The following PCDHGA5 variants were observed in gnomAD, a reference collection of about 807,000 sequenced individuals.
PCDHGA5 encodes protocadherin gamma subfamily A, 5, also known as protocadherin gamma-A5.
A neutral mutation model predicts 56.7 loss-of-function variants in PCDHGA5; 36 were observed. The observed-to-expected ratio is 0.64, with a 90% CI of 0.49 to 0.84. The LOEUF is 0.84. Ranked by LOEUF, PCDHGA5 falls within the 40% of genes least tolerant of loss-of-function variation. The pLI is 0.00. For missense variants in PCDHGA5, 1,305 were observed against 1,201.5 expected (o/e 1.09, Z -1.27); for synonymous variants, 563 against 520.2 (o/e 1.08, Z -1.12).
Position 141,364,321 on chromosome 5 carries a change from A to G in PCDHGA5, c.-10A>G, listed in dbSNP as rs762290044. The G allele has an allele frequency of 1.4e-5, 21 of 1,526,304 alleles. No individual in the cohort carries two copies. Among genetic ancestry groups the G allele is most frequent in the Middle Eastern group, 1.8e-4 (1 of 5,680 alleles). The allele number at this position is 1,526,304 out of a possible 1,614,324, so 94.5% of individuals were successfully genotyped here. A position where few individuals can be genotyped will look rare whatever the true frequency, so the allele number is the denominator to read the frequency against. ...CCAGAACTAAGAGAAAATTGGGCAG[A>G]GAGAAGGCAATGGCGAGTCCACCTA... On this transcript the variant is annotated 5_prime_UTR_variant, in exon 1 of 4. Coordinates refer to ENST00000518069, the MANE Select transcript of PCDHGA5 (RefSeq NM_018918.3).
chr5:141,372,118 T>C (rs937548053), intron 1 of PCDHGA5: 3 of 1,613,628 alleles, frequency 1.9e-6, no homozygotes, highest in Non-Finnish European at 2.5e-6. Context: ...TCTGCGCTCT[T>C]CGATATGGTG....
chr5:141,409,736 G>C (rs1053484390), intron 1 of PCDHGA5: 9 of 1,612,992 alleles, frequency 5.6e-6, no homozygotes, highest in South Asian at 2.2e-5. Context: ...CGCGCAGAGC[G>C]GGGTGGTGTT....
intron 1 of PCDHGA5, chr5:141,382,996 T>C (rs1296495835): frequency 6.2e-7 from 1 of 1,613,724 alleles, no homozygotes; most frequent in East Asian, 2.2e-5. Context: ...ACGTATTCTC[T>C]ACTCCGTGTC....
intron 1 of PCDHGA5, chr5:141,375,695 G>A (rs540188136): frequency 3.1e-6 from 5 of 1,614,132 alleles, no homozygotes; most frequent in Middle Eastern, 1.6e-4. Flanking sequence ...CAGCGACAGC[G>A]GGGACCCGCC....
At chr5:141,415,508 A>G in intron 1 of PCDHGA5, 2 of 1,614,168 alleles carry the variant, frequency 1.2e-6, no homozygotes, top group Non-Finnish European at 1.7e-6. Flanking sequence ...CCCCAGCCCA[A>G]TTATGCGGAC....
At chr5:141,494,355 G>T (rs910437011) in intron 1 of PCDHGA5, among the ~76,000 whole-genome samples, 4 of 152,234 alleles carry the variant, frequency 2.6e-5, no homozygotes, top group African/African-American at 9.6e-5. Flanking sequence ...CCATCTTGCT[G>T]CAGAGGATGC....
intron 1 of PCDHGA5, among the ~76,000 whole-genome samples, chr5:141,461,733 C>G (rs930217307): frequency 2.0e-5 from 3 of 152,168 alleles, no homozygotes; most frequent in African/African-American, 2.4e-5. Context: ...TGCAGTGGCA[C>G]AATCCCGGCT....
intron 1 of PCDHGA5, chr5:141,400,589 A>G (rs771561940): frequency 4.4e-6 from 7 of 1,605,662 alleles, no homozygotes; most frequent in South Asian, 2.2e-5. Flanking sequence ...ACATGAAACT[A>G]TCGTACATTT....
intron 1 of PCDHGA5, chr5:141,372,593 C>G (rs748684942): frequency 6.2e-7 from 1 of 1,614,030 alleles, no homozygotes; most frequent in Non-Finnish European, 8.5e-7. Context: ...GTGTCTGCTT[C>G]AAGACTGTAC....
chr5:141,390,095 T>C lies in PCDHGA5; in HGVS notation c.2421+23344T>C, dbSNP rs763642761. 3 of 1,613,972 alleles carry C rather than the reference T, an allele frequency of 1.9e-6. No individual in the cohort carries two copies. In the South Asian group the frequency reaches 3.3e-5, roughly 18 times the overall value. ...TCTGTGTTAAATCCGAATCCGTGGT[T>C]CCCCCCAACTACAGCGAGGGGACTT... On this transcript the variant is annotated intron_variant, in intron 1 of 3. Coordinates refer to ENST00000518069, the MANE Select transcript of PCDHGA5 (RefSeq NM_018918.3).
intron 1 of PCDHGA5, among the ~76,000 whole-genome samples, chr5:141,407,232 A>G (rs2094902362): frequency 6.6e-6 from 1 of 152,242 alleles, no homozygotes; most frequent in African/African-American, 2.4e-5. Flanking sequence ...CAAAAAAAAT[A>G]AAGCATACTT....
chr5:141,370,731 C>T (rs757565497), intron 1 of PCDHGA5: 6 of 1,613,798 alleles, frequency 3.7e-6, no homozygotes, highest in Non-Finnish European at 5.1e-6. Context: ...TGCTGAAAAG[C>T]CTTTAAACTT....
At chr5:141,465,488 G>A (rs2099104080) in intron 1 of PCDHGA5, among the ~76,000 whole-genome samples, 1 of 152,224 alleles carries the variant, frequency 6.6e-6, no homozygotes. Flanking sequence ...AGAGGAATGA[G>A]CGGGAGCATT....
intron 2 of PCDHGA5, among the ~76,000 whole-genome samples, chr5:141,503,088 C>T (rs1003234288): frequency 4.0e-5 from 6 of 151,864 alleles, no homozygotes; most frequent in Admixed American, 1.3e-4. Context: ...CTCCTGACCT[C>T]GTGGTCTGCC....
At chr5:141,484,437 T>C (rs2099596528) in intron 1 of PCDHGA5, among the ~76,000 whole-genome samples, 1 of 152,232 alleles carries the variant, frequency 6.6e-6, no homozygotes, top group African/African-American at 2.4e-5. Context: ...ATGTACTGCA[T>C]AAATTTAATT....
chr5:141,510,272 TA>T (rs546154379), intron 3 of PCDHGA5, among the ~76,000 whole-genome samples: 4,704 of 130,308 alleles, frequency 0.036, 80 homozygotes, highest in South Asian at 0.057. Flanking sequence ...GACTCCATCT[TA>T]AAAAAAAAAA....
At chr5:141,387,666 A>C (rs1286333740) in intron 1 of PCDHGA5, 1 of 683,200 alleles carries the variant, frequency 1.5e-6, no homozygotes, top group African/African-American at 1.8e-5. Flanking sequence ...TTGGCGCTCC[A>C]GATCTCCTCG....
At chr5:141,441,744 G>A (rs913393900) in intron 1 of PCDHGA5, 7 of 366,408 alleles carry the variant, frequency 1.9e-5, no homozygotes, top group African/African-American at 1.1e-4. Context: ...GCTCGCGCTC[G>A]GCGTCAACGT....
chr5:141,511,276 T>A lies in PCDHGA5; in HGVS notation c.*103T>A. ...AGAGTTTCAGGGCTAACCCCCAGAA[T>A]ACTGGTAGGGGCCAAGGCCATGCTC... On this transcript the variant is annotated 3_prime_UTR_variant, in exon 4 of 4. Coordinates refer to ENST00000518069, the MANE Select transcript of PCDHGA5 (RefSeq NM_018918.3). 6.5e-7 allele frequency: 1 copy of A among 1,538,086 alleles called. No homozygotes were observed. Among genetic ancestry groups the A allele is most frequent in the Non-Finnish European group, 8.8e-7 (1 of 1,140,722 alleles).
Sources: allele counts gnomAD v4.1 joint callset (sites outside exome capture counted in the v4.1 genomes callset), GRCh38; gene constraint gnomAD v4.1.1; transcripts MANE v1.5; gene names NCBI Gene and HGNC (gene_info 2026-07-23, HGNC 2026-07-21).